Variants in PCDH15 observed in about 807,000 individuals in gnomAD.
PCDH15 encodes protocadherin related 15.
Under a neutral mutation model 178.5 loss-of-function variants are expected in PCDH15, and 129 were observed. The ratio of observed to expected loss-of-function variants is 0.72; its 90% CI spans 0.63 to 0.84. The LOEUF is 0.84. PCDH15 is among the 40% of genes least tolerant of loss of function. The probability of loss-of-function intolerance (pLI) is 0.00; values close to 1 mark genes in which losing one functional copy is unlikely to be tolerated. For synonymous variants in PCDH15, 800 were observed against 732.0 expected (o/e 1.09, Z -1.50); for missense variants, 2,230 against 2,099.9 (o/e 1.06, Z -1.21).
chr10:55,351,333 T>G (rs1844927399), intron 2 of PCDH15, among the ~76,000 whole-genome samples: 1 of 152,026 alleles, frequency 6.6e-6, no homozygotes, highest in Non-Finnish European at 1.5e-5. Flanking sequence ...AAAATAAGTG[T>G]TGTATTATCT....
chr10:54,657,575 T>C (rs1037265708), intron 2 of PCDH15, among the ~76,000 whole-genome samples: 2 of 152,196 alleles, frequency 1.3e-5, no homozygotes, highest in Admixed American at 6.5e-5. Flanking sequence ...ACAGGCAACA[T>C]TCAAGAAAAC....
chr10:54,283,668 ATACTC>A (rs2058845096), intron 8 of PCDH15, among the ~76,000 whole-genome samples: 2 of 152,134 alleles, frequency 1.3e-5, no homozygotes, highest in Admixed American at 6.6e-5. Flanking sequence ...AACATCCTGA[ATACTC>A]TATATACTAA....
At chr10:55,247,884 G>A (rs976180481) in intron 1 of PCDH15, 1 of 132,124 alleles carries the variant, frequency 7.6e-6, no homozygotes, top group Non-Finnish European at 1.5e-5. Context: ...AGAGTGAGAC[G>A]CTGTCTGGAA....
At chr10:54,361,546 GT>G (rs5785071) in intron 5 of PCDH15, among the ~76,000 whole-genome samples, 42,404 of 151,284 alleles carry the variant, frequency 0.28, 7,383 homozygotes, top group Non-Finnish European at 0.4. Context: ...AAGTATTATA[GT>G]TTTTTTTAAT....
At chr10:54,814,819 A>T (rs1335760706) in intron 3 of PCDH15, among the ~76,000 whole-genome samples, 1 of 152,188 alleles carries the variant, frequency 6.6e-6, no homozygotes, top group Non-Finnish European at 1.5e-5. Context: ...AACACTAGGC[A>T]TAAATGGCCA....
intron 2 of PCDH15, among the ~76,000 whole-genome samples, chr10:55,432,776 AATATATATAT>A (rs34512028): frequency 6.8e-6 from 1 of 147,820 alleles, no homozygotes; most frequent in Non-Finnish European, 1.5e-5. Flanking sequence ...ACGCCCGGCT[AATATATATAT>A]ATATATATAT....
At chr10:55,334,242 ATGTGTGTG>A (rs1208145029) in intron 2 of PCDH15, among the ~76,000 whole-genome samples, 23 of 72,140 alleles carry the variant, frequency 3.2e-4, no homozygotes, top group African/African-American at 6.7e-4. Context: ...ATATATATAT[ATGTGTGTG>A]TGTGTGTGTG....
intron 2 of PCDH15, among the ~76,000 whole-genome samples, chr10:55,155,165 A>G (rs1429946604): frequency 1.3e-5 from 2 of 152,122 alleles, no homozygotes; most frequent in Non-Finnish European, 2.9e-5. Flanking sequence ...ATGATGAATG[A>G]TAAAATGATA....
intron 1 of PCDH15, among the ~76,000 whole-genome samples, chr10:54,766,352 A>G (rs1948510083): frequency 6.6e-6 from 1 of 152,142 alleles, no homozygotes; most frequent in African/African-American, 2.4e-5. Flanking sequence ...TTACACTTTT[A>G]CATTAAAGAG....
intron 2 of PCDH15, among the ~76,000 whole-genome samples, chr10:54,933,516 G>C (rs1837832734): frequency 6.6e-6 from 1 of 152,032 alleles, no homozygotes; most frequent in African/African-American, 2.4e-5. Flanking sequence ...GAATAGAAGA[G>C]CAAAAGAGAA....
intron 11 of PCDH15, among the ~76,000 whole-genome samples, chr10:54,193,588 T>A (rs1193847678): frequency 6.6e-6 from 1 of 152,108 alleles, no homozygotes; most frequent in East Asian, 1.9e-4. Context: ...CTCTAGGTGT[T>A]TTCTAGTGGG....
In PCDH15 at chr10:55,094,559, A is replaced by T. The variant is rs188251293; in HGVS notation, c.-80+72017T>A. On this transcript the variant is annotated intron_variant, in intron 2 of 5. Transcript: ENST00000458638. ...AGTATAATAAAAAATAAATTAAAAA[A>T]AATTAGGTAGTATTGGCAACCTGGA... Among the ~76,000 whole-genome samples the T allele has an allele frequency of 3.2e-3, 480 of 152,258 alleles. 3 individuals are homozygous for T. The highest frequency in any genetic ancestry group is 0.011 in the African/African-American group (470 of 41,576).
intron 1 of PCDH15, among the ~76,000 whole-genome samples, chr10:54,726,420 GTGTGTGT>G (rs1942513713): frequency 2.2e-4 from 1 of 4,526 alleles, no homozygotes; most frequent in African/African-American, 5.6e-4. Flanking sequence ...CCCATCAGGG[GTGTGTGT>G]GTGTGTGTGT....
In PCDH15 at chr10:54,878,785, C is replaced by T. The variant is rs1324206146; in HGVS notation, c.-29+18665G>A. On this transcript the variant is annotated intron_variant, in intron 3 of 5. Transcript: ENST00000458638. The stretch of plus-strand genomic sequence containing the variant: ...TTAACCCATCACCCAGGTATTAAGC[C>T]CAGCATCCATTAGATATTCTCCTTG... Among the ~76,000 whole-genome samples, 3 of 151,946 alleles carry T rather than the reference C, an allele frequency of 2.0e-5. No individual in the cohort carries two copies. In the East Asian group the frequency reaches 5.8e-4, roughly 29 times the overall value.
chr10:55,100,237 T>G (rs1365084428), intron 2 of PCDH15, among the ~76,000 whole-genome samples: 1 of 152,148 alleles, frequency 6.6e-6, no homozygotes, highest in Non-Finnish European at 1.5e-5. Context: ...TGTTTTAGAG[T>G]CCCTAAACTA....
rs1589905366 is a variant in PCDH15 at position 54,527,719 on chromosome 10, C to A, written c.157+93G>T. 9 of 1,025,302 alleles carry A rather than the reference C, an allele frequency of 8.8e-6. No individual in the cohort carries two copies. In the East Asian group the frequency reaches 2.1e-4, roughly 24 times the overall value. The allele number at this position is 1,025,302 out of a possible 1,614,324, so 63.5% of individuals were successfully genotyped here. A position where few individuals can be genotyped will look rare whatever the true frequency, so the allele number is the denominator to read the frequency against. ...ATCCATGGATTTGGGTTGAAACTTT[C>A]ATTTTAGTACCTCTACTCATAGTAG... On this transcript the variant is annotated intron_variant, in intron 3 of 37. Transcript: ENST00000644397.
At chr10:55,152,219 T>G (rs1312421824) in intron 2 of PCDH15, among the ~76,000 whole-genome samples, 1 of 152,166 alleles carries the variant, frequency 6.6e-6, no homozygotes, top group Admixed American at 6.6e-5. Flanking sequence ...AGATGTAGTC[T>G]GAAGCTACAT....
intron 26 of PCDH15, among the ~76,000 whole-genome samples, chr10:53,870,574 C>T (rs2079766918): frequency 6.6e-6 from 1 of 152,128 alleles, no homozygotes; most frequent in South Asian, 2.1e-4. Flanking sequence ...CCCTCTTCCT[C>T]AAGTATGTTC....
In PCDH15 at chr10:54,696,345, T is replaced by A. The variant is rs111575252; in HGVS notation, c.-28-32055A>T. On this transcript the variant is annotated intron_variant, in intron 1 of 37. Transcript: ENST00000644397. ...TGACTGAATTGCTGCAATCTCATGA[T>A]AAAATATACACAAATGAGCAACTGT... is the stretch of plus-strand genomic sequence containing the variant. Among the ~76,000 whole-genome samples, 5 of 152,182 alleles carry A rather than the reference T, an allele frequency of 3.3e-5. No homozygotes were observed. The South Asian group carries it at 1.0e-3, about 32-fold the overall frequency.
Sources: gnomAD v4.1 joint callset for allele counts (sites outside exome capture counted in the v4.1 genomes callset) on GRCh38, gnomAD v4.1.1 for gene constraint, MANE v1.5 for transcripts, NCBI Gene and HGNC (gene_info 2026-07-23, HGNC 2026-07-21) for gene names.